Variants in DMD observed in about 807,000 individuals in gnomAD.
The protein encoded by DMD is dystrophin, also known as mutant dystrophin.
In DMD, 63 loss-of-function variants were observed where a neutral mutation model predicts 330.1. That is an observed-to-expected ratio of 0.19 (90% CI 0.16 to 0.24). The LOEUF (loss-of-function observed/expected upper bound fraction) is 0.24, where lower values mean the gene tolerates loss of function less well. Ranked by LOEUF, DMD falls within the 10% of genes least tolerant of loss-of-function variation. DMD has a pLI of 1.00. For missense variants in DMD, 3,344 were observed against 2,684.1 expected (o/e 1.25, Z -5.43); for synonymous variants, 1,223 against 959.8 (o/e 1.27, Z -5.07).
At chrX:32,662,455 T>A (rs1261885611) in intron 9 of DMD, among the ~76,000 whole-genome samples, 1 of 111,770 alleles carries the variant, frequency 8.9e-6, no homozygotes, top group African/African-American at 3.2e-5. Context: ...CAAAATACAA[T>A]CCTACCTATC....
chrX:32,647,086 C>G (rs1283415893), intron 9 of DMD, among the ~76,000 whole-genome samples: 1 of 111,297 alleles, frequency 9.0e-6, no homozygotes, highest in Non-Finnish European at 1.9e-5. Flanking sequence ...CAGGTGGAAC[C>G]AGCTTCACGT....
At chrX:32,477,353 T>C (rs2041340568) in intron 21 of DMD, among the ~76,000 whole-genome samples, 1 of 110,101 alleles carries the variant, frequency 9.1e-6, no homozygotes, top group Admixed American at 9.8e-5. Flanking sequence ...ATGTGAGGGA[T>C]GGAAGTGATA....
chrX:31,561,000 A>C (rs776685525), intron 55 of DMD, among the ~76,000 whole-genome samples: 4 of 111,358 alleles, frequency 3.6e-5, no homozygotes, highest in Non-Finnish European at 5.7e-5. Context: ...AGCGCCCCTA[A>C]CCCTCACATT....
intron 51 of DMD, among the ~76,000 whole-genome samples, chrX:31,755,779 G>C (rs2089018276): frequency 9.0e-6 from 1 of 111,207 alleles, no homozygotes; most frequent in Non-Finnish European, 1.9e-5. Flanking sequence ...TTTATAACTA[G>C]GTCGTTAAAG....
intron 30 of DMD, among the ~76,000 whole-genome samples, chrX:32,396,660 A>G (rs2098046575): frequency 9.0e-6 from 1 of 111,348 alleles, no homozygotes; most frequent in Non-Finnish European, 1.9e-5. Context: ...GAAAAAGGCT[A>G]TCAAATATAC....
At chrX:32,787,248 G>GAC (rs1569521630) in intron 7 of DMD, among the ~76,000 whole-genome samples, 12 of 84,766 alleles carry the variant, frequency 1.4e-4, no homozygotes, top group African/African-American at 4.1e-4. Context: ...GTGTGTGTGT[G>GAC]AGAGAGAGAG....
intron 54 of DMD, among the ~76,000 whole-genome samples, chrX:31,644,604 A>G (rs2079972887): frequency 8.9e-6 from 1 of 112,194 alleles, no homozygotes; most frequent in African/African-American, 3.2e-5. Context: ...TTTGGCAAAC[A>G]GTGCATATCC....
At position 33,192,481 on chromosome X, in the gene DMD, A is replaced by G. The variant is rs551338639; in HGVS notation, c.31+18801T>C. On this transcript the variant is annotated intron_variant, in intron 1 of 78. Transcript: ENST00000357033. Reference sequence around the variant, plus strand: ...GCAGAAGGAGCAGATGCTTTAAGATAATATTTCTCAGTAATATGCAACAAT... The same window carrying G: ...GCAGAAGGAGCAGATGCTTTAAGATGATATTTCTCAGTAATATGCAACAAT... 2.9e-4 allele frequency among the ~76,000 whole-genome samples: 33 copies of G among 112,317 alleles called. 1 individual carries two copies. The South Asian group carries it at 0.012, about 41-fold the overall frequency.
intron 3 of DMD, among the ~76,000 whole-genome samples, chrX:32,848,104 G>A (rs2080839229): frequency 8.9e-6 from 1 of 112,007 alleles, no homozygotes. Context: ...GAAATGACCA[G>A]AGGATTGCAA....
chrX:32,045,442 AG>A (rs1253488764), intron 44 of DMD, among the ~76,000 whole-genome samples: 5 of 108,295 alleles, frequency 4.6e-5, no homozygotes, highest in Non-Finnish European at 9.6e-5. Flanking sequence ...TATGAGTAAA[AG>A]CTCCCGGAGG....
chrX:31,132,496 G>A (rs949975273), intron 77 of DMD, among the ~76,000 whole-genome samples: 4 of 111,549 alleles, frequency 3.6e-5, no homozygotes, highest in Admixed American at 1.9e-4. Flanking sequence ...TTGTTTAGAT[G>A]TGGAAGAAAT....
chrX:32,525,356 A>T (rs1243316731), intron 17 of DMD, among the ~76,000 whole-genome samples: 1 of 111,254 alleles, frequency 9.0e-6, no homozygotes, highest in Non-Finnish European at 1.9e-5. Flanking sequence ...CTGCCAGTGG[A>T]TAGCCTCATC....
At chrX:31,771,343 G>T (rs776550940) in intron 51 of DMD, among the ~76,000 whole-genome samples, 3 of 109,532 alleles carry the variant, frequency 2.7e-5, no homozygotes, top group East Asian at 5.7e-4. Flanking sequence ...AGCAAGAGAA[G>T]GGAGATTAGA....
intron 29 of DMD, among the ~76,000 whole-genome samples, chrX:32,430,287 T>A (rs187948805): frequency 1.7e-3 from 191 of 111,984 alleles, no homozygotes; most frequent in African/African-American, 5.4e-3. Flanking sequence ...ATTGGATTTC[T>A]ATTTATTTAC....
chrX:31,563,742 C>T (rs1466791987), intron 55 of DMD, among the ~76,000 whole-genome samples: 1 of 111,526 alleles, frequency 9.0e-6, no homozygotes, highest in Non-Finnish European at 1.9e-5. Context: ...AAGTGAAAAC[C>T]AATAAAATGT....
At chrX:31,845,295 A>G (rs2093398289) in intron 48 of DMD, among the ~76,000 whole-genome samples, 1 of 109,589 alleles carries the variant, frequency 9.1e-6, no homozygotes, top group African/African-American at 3.3e-5. Context: ...TTTTGCTTGT[A>G]TAAGGATTTG....
intron 33 of DMD, among the ~76,000 whole-genome samples, chrX:32,385,834 G>T: frequency 9.1e-6 from 1 of 109,936 alleles, no homozygotes; most frequent in Non-Finnish European, 1.9e-5. Context: ...AATAATTACT[G>T]TGTAATTTTT....
At chrX:31,195,960 G>T (rs1018530273) in intron 67 of DMD, among the ~76,000 whole-genome samples, 2 of 111,641 alleles carry the variant, frequency 1.8e-5, no homozygotes, top group African/African-American at 6.5e-5. Context: ...CTTTTCCTTA[G>T]CAGTAAGTGT....
At chrX:31,463,059 C>T (rs2066632958) in intron 59 of DMD, among the ~76,000 whole-genome samples, 1 of 111,536 alleles carries the variant, frequency 9.0e-6, no homozygotes, top group Admixed American at 9.6e-5. Flanking sequence ...ATGGAAAATA[C>T]CATAAAATTG....
Sources: gnomAD v4.1 joint callset for allele counts (sites outside exome capture counted in the v4.1 genomes callset) on GRCh38, gnomAD v4.1.1 for gene constraint, MANE v1.5 for transcripts, NCBI Gene and HGNC (gene_info 2026-07-23, HGNC 2026-07-21) for gene names.